The following HDAC9 variants were observed in gnomAD, a reference collection of about 807,000 sequenced individuals.
HDAC9 encodes histone deacetylase 9, also known as MEF-2 interacting transcription repressor (MITR) protein.
A neutral mutation model predicts 139.4 loss-of-function variants in HDAC9; 41 were observed. The ratio of observed to expected loss-of-function variants is 0.29; its 90% confidence interval spans 0.23 to 0.38. The LOEUF (loss-of-function observed/expected upper bound fraction) is 0.38. Ranked by LOEUF, HDAC9 falls within the 10% of genes least tolerant of loss-of-function variation. The pLI, the probability that HDAC9 is intolerant of heterozygous loss-of-function variation, is 1.00. For missense variants in HDAC9, 1,147 were observed against 1,297.0 expected (o/e 0.88, Z 1.78); for synonymous variants, 517 against 476.2 (o/e 1.09, Z -1.12).
At chr7:18,326,063 G>A (rs1027072019) in intron 1 of HDAC9, among the ~76,000 whole-genome samples, 2 of 152,072 alleles carry the variant, frequency 1.3e-5, no homozygotes, top group African/African-American at 2.4e-5. Flanking sequence ...CTTGATACAC[G>A]TGTGTAAAAT....
intron 1 of HDAC9, among the ~76,000 whole-genome samples, chr7:18,314,134 C>A (rs539775188): frequency 4.6e-5 from 7 of 152,108 alleles, no homozygotes; most frequent in Non-Finnish European, 7.4e-5. Context: ...TGGACAGTTC[C>A]CTGGTGACAA....
chr7:18,166,732 G>T (rs920129777), intron 2 of HDAC9, among the ~76,000 whole-genome samples: 2 of 152,044 alleles, frequency 1.3e-5, no homozygotes, highest in African/African-American at 4.8e-5. Context: ...TAAAATTTAC[G>T]AACTCTTTAA....
At chr7:18,183,148 T>A (rs1433541775) in intron 2 of HDAC9, among the ~76,000 whole-genome samples, 2 of 152,094 alleles carry the variant, frequency 1.3e-5, no homozygotes, top group Non-Finnish European at 2.9e-5. Flanking sequence ...TAGCTGGGAC[T>A]ACAGGTGCCT....
chr7:18,564,615 A>G (rs1295755926), intron 2 of HDAC9, among the ~76,000 whole-genome samples: 3 of 152,188 alleles, frequency 2.0e-5, no homozygotes, highest in Non-Finnish European at 4.4e-5. Flanking sequence ...AATAATATGC[A>G]CTATAATGTT....
At chr7:18,359,946 C>T (rs574370483) in intron 1 of HDAC9, among the ~76,000 whole-genome samples, 18 of 152,190 alleles carry the variant, frequency 1.2e-4, no homozygotes, top group African/African-American at 3.9e-4. Flanking sequence ...AGGGCATTTT[C>T]TTAACCCTCA....
intron 2 of HDAC9, among the ~76,000 whole-genome samples, chr7:18,193,544 G>A (rs1284199909): frequency 6.6e-6 from 1 of 152,160 alleles, no homozygotes. Flanking sequence ...AACACAATAT[G>A]CTACTTGGAA....
chr7:18,564,324 TA>T, intron 2 of HDAC9, among the ~76,000 whole-genome samples: 1 of 152,318 alleles, frequency 6.6e-6, no homozygotes, highest in East Asian at 1.9e-4. Context: ...ACTAACCCAG[TA>T]AGAGCTTTAT....
At chr7:18,183,283 A>T (rs1479799168) in intron 2 of HDAC9, among the ~76,000 whole-genome samples, 4 of 152,228 alleles carry the variant, frequency 2.6e-5, no homozygotes, top group Admixed American at 2.6e-4. Context: ...TGCTGGGATT[A>T]CAGGCGTGAG....
intron 2 of HDAC9, among the ~76,000 whole-genome samples, chr7:18,257,510 C>G (rs1464397058): frequency 6.6e-6 from 1 of 151,744 alleles, no homozygotes; most frequent in East Asian, 1.9e-4. Flanking sequence ...AAGGTACTAT[C>G]CATTTTGTAT....
chr7:18,895,369 A>G (rs1801090626), intron 22 of HDAC9, among the ~76,000 whole-genome samples: 1 of 152,122 alleles, frequency 6.6e-6, no homozygotes, highest in African/African-American at 2.4e-5. Flanking sequence ...AAAAATTGGT[A>G]GGATCAATGG....
chr7:18,589,952 G>A (rs548780842), intron 3 of HDAC9, among the ~76,000 whole-genome samples: 3 of 152,238 alleles, frequency 2.0e-5, no homozygotes, highest in East Asian at 3.9e-4. Context: ...GAAGATTTCA[G>A]TTGTTCATTT....
In HDAC9 at chr7:18,204,675, T is replaced by G. The variant is rs139293914; in HGVS notation, c.25+42326T>G. Among the ~76,000 whole-genome samples, 14 of 152,142 alleles carry G rather than the reference T, an allele frequency of 9.2e-5. No homozygotes were observed. In the East Asian group the frequency reaches 2.5e-3, roughly 27 times the overall value. On this transcript the variant is annotated intron_variant, in intron 2 of 12. Coordinates refer to the HDAC9 transcript ENST00000417496. The stretch of plus-strand genomic sequence containing the variant: ...TGCGTGTGTGTTCTTTTTTTCTTCA[T>G]GTGTCTTTAATAATTTAATTTCCTG...
intron 2 of HDAC9, among the ~76,000 whole-genome samples, chr7:18,528,189 T>C (rs1807567761): frequency 6.6e-6 from 1 of 150,772 alleles, no homozygotes; most frequent in South Asian, 2.1e-4. Flanking sequence ...TGGTGGCACA[T>C]GGGAAGCTGA....
At chr7:18,252,285 T>C (rs915441525) in intron 2 of HDAC9, among the ~76,000 whole-genome samples, 1 of 152,180 alleles carries the variant, frequency 6.6e-6, no homozygotes, top group African/African-American at 2.4e-5. Context: ...AGGAATGGCC[T>C]GGAGAACTAC....
chr7:18,849,077 TAGTG>T (rs1266639840), intron 21 of HDAC9, among the ~76,000 whole-genome samples: 1 of 152,188 alleles, frequency 6.6e-6, no homozygotes, highest in Non-Finnish European at 1.5e-5. Flanking sequence ...GTAGCAAACT[TAGTG>T]GGCATTTTAA....
chr7:18,823,490 A>G (rs1319696556), intron 17 of HDAC9, among the ~76,000 whole-genome samples: 1 of 152,122 alleles, frequency 6.6e-6, no homozygotes, highest in East Asian at 1.9e-4. Context: ...TTTAATCAGG[A>G]TGGCAATTTT....
chr7:18,785,162 A>G (rs1463063202), intron 16 of HDAC9, among the ~76,000 whole-genome samples: 1 of 152,124 alleles, frequency 6.6e-6, no homozygotes, highest in Non-Finnish European at 1.5e-5. Context: ...AGAACTATGA[A>G]GAGTTTTTAC....
At chr7:18,089,944 A>G (rs1267945219) in intron 1 of HDAC9, among the ~76,000 whole-genome samples, 2 of 152,036 alleles carry the variant, frequency 1.3e-5, no homozygotes, top group East Asian at 1.9e-4. Context: ...TTAAAATACA[A>G]TTTGTATTAC....
In HDAC9 at chr7:18,629,493, C is replaced by T. The variant is rs1007583599; in HGVS notation, c.796+12C>T. 6.2e-7 allele frequency: 1 copy of T among 1,606,462 alleles called. No homozygotes were observed. The highest frequency in any genetic ancestry group is 1.3e-5 in the African/African-American group (1 of 74,322). On this transcript the variant is annotated intron_variant, in intron 7 of 25. Coordinates refer to ENST00000686413, the MANE Select transcript of HDAC9 (RefSeq NM_178425.4). ...GTTTGAGGTGACAGGTAATTGAGGA[C>T]TGGGCAGACCTATGAATGCTGGGAG...
Sources: gnomAD v4.1 joint callset for allele counts (sites outside exome capture counted in the v4.1 genomes callset) on GRCh38, gnomAD v4.1.1 for gene constraint, MANE v1.5 for transcripts, NCBI Gene and HGNC (gene_info 2026-07-23, HGNC 2026-07-21) for gene names.